Variants in FRMD6 observed in about 807,000 individuals in gnomAD.
FRMD6 encodes the protein FERM domain-containing protein 6.
FRMD6 carries 37 observed loss-of-function variants against 73.2 expected under a neutral mutation model. The ratio of observed to expected loss-of-function variants is 0.51; its 90% CI spans 0.39 to 0.66. The LOEUF (loss-of-function observed/expected upper bound fraction) is 0.66, where lower values mean the gene tolerates loss of function less well. FRMD6 is among the 30% of genes least tolerant of loss of function. The pLI, the probability that FRMD6 is intolerant of heterozygous loss-of-function variation, is 0.00. For missense variants in FRMD6, 714 were observed against 780.5 expected (o/e 0.91, Z 1.02); for synonymous variants, 273 against 282.2 (o/e 0.97, Z 0.33).
intron 2 of FRMD6, among the ~76,000 whole-genome samples, chr14:51,694,749 T>C (rs1440601085): frequency 6.6e-6 from 1 of 152,218 alleles, no homozygotes; most frequent in Non-Finnish European, 1.5e-5. Flanking sequence ...ATTCTTATTC[T>C]TAATACCTCA....
At chr14:51,612,835 G>C (rs1157412565) in intron 2 of FRMD6, among the ~76,000 whole-genome samples, 7 of 152,164 alleles carry the variant, frequency 4.6e-5, no homozygotes, top group Admixed American at 2.6e-4. Context: ...AGGACAAAAA[G>C]TCAGAGTCAA....
chr14:51,716,955 G>A (rs919753703), intron 10 of FRMD6, among the ~76,000 whole-genome samples: 1 of 152,146 alleles, frequency 6.6e-6, no homozygotes, highest in Non-Finnish European at 1.5e-5. Context: ...TTGAGAAGTT[G>A]ATTTGTTCTA....
chr14:51,710,727 T>C (rs140831141), intron 7 of FRMD6, among the ~76,000 whole-genome samples: 58 of 152,328 alleles, frequency 3.8e-4, no homozygotes, highest in African/African-American at 1.4e-3. Context: ...GGAAATCTCA[T>C]AATGAAAATA....
chr14:51,408,564 T>C, the FRMD6 span, among the ~76,000 whole-genome samples: 10,722 of 152,284 alleles, frequency 0.07, 412 homozygotes, highest in South Asian at 0.091. Flanking sequence ...ACTTTTCAGA[T>C]AGGCTTAGTC....
chr14:51,656,571 G>A (rs1039823362), intron 1 of FRMD6, among the ~76,000 whole-genome samples: 1 of 151,934 alleles, frequency 6.6e-6, no homozygotes. Context: ...CTGCCACCAC[G>A]CCCATCTAAT....
At chr14:51,397,346 C>T in the FRMD6 span, among the ~76,000 whole-genome samples, 4 of 152,160 alleles carry the variant, frequency 2.6e-5, no homozygotes, top group Non-Finnish European at 4.4e-5. Flanking sequence ...TGGCTTCTGC[C>T]ATAGGTGGAG....
chr14:51,701,977 C>G (rs1896352639), intron 4 of FRMD6, among the ~76,000 whole-genome samples: 3 of 151,842 alleles, frequency 2.0e-5, no homozygotes, highest in Non-Finnish European at 4.4e-5. Context: ...CCAGAACCTC[C>G]CTAGTAAGTC....
chr14:51,652,473 G>T (rs1892489764), intron 1 of FRMD6, among the ~76,000 whole-genome samples: 1 of 152,192 alleles, frequency 6.6e-6, no homozygotes, highest in Admixed American at 6.5e-5. Context: ...GCTGTGGCTG[G>T]GCGCCGGGAC....
At chr14:51,640,402 T>C (rs1353581458) in intron 2 of FRMD6, among the ~76,000 whole-genome samples, 1 of 152,244 alleles carries the variant, frequency 6.6e-6, no homozygotes, top group Non-Finnish European at 1.5e-5. Flanking sequence ...TGAATGGGTA[T>C]CAAAATCATT....
chr14:51,725,813 G>A lies in FRMD6; in HGVS notation c.1527G>A (p.Ser509=), dbSNP rs767461144. The change falls in exon 13 of 14, where the codon TCG becomes TCA. Residue 509 remains serine (S), a synonymous_variant. Coordinates refer to ENST00000344768, the MANE Select transcript of FRMD6 (RefSeq NM_001267046.2). ...LIVKEIGSST[S]SSSETVVKLR... ...TGAAAGAAATTGGGTCTTCCACCTC[G>A]AGCTCTTCAGAAACAGTTGTTAAGC... The A allele has an allele frequency of 3.1e-6, 5 of 1,613,590 alleles. No individual in the cohort carries two copies. Among genetic ancestry groups the A allele is most frequent in the African/African-American group, 2.7e-5 (2 of 74,864 alleles).
chr14:51,610,956 CT>C (rs1406378460), intron 2 of FRMD6, among the ~76,000 whole-genome samples: 6 of 152,116 alleles, frequency 3.9e-5, no homozygotes, highest in Non-Finnish European at 7.4e-5. Context: ...TCCAAATCCC[CT>C]GGCTTGCTTA....
the FRMD6 span, among the ~76,000 whole-genome samples, chr14:51,464,606 G>A: frequency 5.3e-5 from 8 of 152,146 alleles, no homozygotes; most frequent in Middle Eastern, 3.2e-3. Flanking sequence ...ACCGCCACTC[G>A]TGCCCTGTTA....
At chr14:51,426,028 C>G in the FRMD6 span, among the ~76,000 whole-genome samples, 1 of 152,160 alleles carries the variant, frequency 6.6e-6, no homozygotes, top group Non-Finnish European at 1.5e-5. Context: ...CTCTTTCATG[C>G]TCTCCAAATC....
chr14:51,407,799 T>C, the FRMD6 span, among the ~76,000 whole-genome samples: 1 of 152,162 alleles, frequency 6.6e-6, no homozygotes, highest in Admixed American at 6.5e-5. Context: ...TATTGATTTC[T>C]AACTTAATTG....
the FRMD6 span, among the ~76,000 whole-genome samples, chr14:51,449,695 G>A: frequency 6.6e-6 from 1 of 152,118 alleles, no homozygotes; most frequent in African/African-American, 2.4e-5. Context: ...GCATATAGTA[G>A]CAGTATCTGA....
At chr14:51,625,284 G>A (rs954791147) in intron 2 of FRMD6, among the ~76,000 whole-genome samples, 1 of 152,116 alleles carries the variant, frequency 6.6e-6, no homozygotes, top group African/African-American at 2.4e-5. Context: ...GTTGGAGGAG[G>A]TGGTGGTTAT....
intron 1 of FRMD6, among the ~76,000 whole-genome samples, chr14:51,532,183 A>C (rs1220170772): frequency 6.6e-6 from 1 of 152,112 alleles, no homozygotes; most frequent in Non-Finnish European, 1.5e-5. Flanking sequence ...CCTGGCTAAC[A>C]TGGTGAAACC....
In FRMD6 at chr14:51,712,493, A is replaced by T. The variant is rs763175264; in HGVS notation, c.791A>T (p.Glu264Val). 6.3e-7 allele frequency: 1 copy of T among 1,591,476 alleles called. No homozygotes were observed. ...ATATTCTTTTCACAGAATTTAGATG[A>T]AGAGAAACAATTACTTTATGATTTC... ...RGIQIFQNLDEEKQLLYDFPW... is the reference protein window; with the variant it reads ...RGIQIFQNLDVEKQLLYDFPW... Residue 264 changes from glutamate to valine, a missense_variant, in exon 9 of 14, where the codon GAA becomes GTA. Glu to Val is a moderately radical substitution (Grantham distance 121). Coordinates refer to ENST00000344768, the MANE Select transcript of FRMD6 (RefSeq NM_001267046.2).
At chr14:51,541,612 G>A (rs535358273) in intron 1 of FRMD6, among the ~76,000 whole-genome samples, 9 of 152,164 alleles carry the variant, frequency 5.9e-5, no homozygotes, top group East Asian at 1.9e-4. Context: ...AAAGGTTAAG[G>A]GAGACCCATT....
Sources: gnomAD v4.1 joint callset for allele counts (sites outside exome capture counted in the v4.1 genomes callset) on GRCh38, gnomAD v4.1.1 for gene constraint, MANE v1.5 for transcripts, NCBI Gene and HGNC (gene_info 2026-07-23, HGNC 2026-07-21) for gene names.